The following ZNF704 variants were observed in gnomAD, a reference collection of about 807,000 sequenced individuals.
The protein encoded by ZNF704 is glucocorticoid induced gene 1.
In ZNF704, 10 loss-of-function variants were observed where a neutral mutation model predicts 44.7. The observed-to-expected ratio is 0.22, with a 90% CI of 0.14 to 0.38. ZNF704 has a LOEUF of 0.38. Among genes scored for constraint, ZNF704 ranks in the 10% least tolerant of loss-of-function variants. The probability of loss-of-function intolerance (pLI) is 1.00; values close to 1 mark genes in which losing one functional copy is unlikely to be tolerated. For synonymous variants in ZNF704, 211 were observed against 207.6 expected (o/e 1.02, Z -0.14); for missense variants, 390 against 545.5 (o/e 0.71, Z 2.84).
intron 2 of ZNF704, among the ~76,000 whole-genome samples, chr8:80,760,138 C>T (rs936468772): frequency 6.6e-6 from 1 of 152,152 alleles, no homozygotes; most frequent in Admixed American, 6.5e-5. Context: ...CTATTCCTGA[C>T]CCACAGATAC....
chr8:80,848,770 C>T (rs2129991336), intron 1 of ZNF704, among the ~76,000 whole-genome samples: 1 of 149,920 alleles, frequency 6.7e-6, no homozygotes, highest in South Asian at 2.1e-4. Context: ...GAGACCCTGT[C>T]TCAAAAAAAA....
chr8:80,748,776 TA>T (rs1806890991), intron 2 of ZNF704, among the ~76,000 whole-genome samples: 1 of 152,010 alleles, frequency 6.6e-6, no homozygotes, highest in South Asian at 2.1e-4. Context: ...GGAAGGAAGT[TA>T]AAAAACGAGG....
chr8:80,873,006 G>A (rs1809280415), intron 1 of ZNF704, among the ~76,000 whole-genome samples: 1 of 152,118 alleles, frequency 6.6e-6, no homozygotes, highest in South Asian at 2.1e-4. Context: ...TGGGTTTACC[G>A]GTTCTCTCAC....
chr8:80,828,197 C>G (rs930869408), intron 1 of ZNF704, among the ~76,000 whole-genome samples: 2 of 152,178 alleles, frequency 1.3e-5, no homozygotes, highest in African/African-American at 2.4e-5. Flanking sequence ...AAGATTTTAA[C>G]AAAATCCCTT....
intron 2 of ZNF704, among the ~76,000 whole-genome samples, chr8:80,729,194 A>G (rs1806534158): frequency 6.6e-6 from 1 of 152,184 alleles, no homozygotes; most frequent in South Asian, 2.1e-4. Context: ...TAGATAAGAA[A>G]GAGCAGATGG....
intron 2 of ZNF704, among the ~76,000 whole-genome samples, chr8:80,769,264 CTT>C (rs906361411): frequency 1.3e-5 from 2 of 152,136 alleles, no homozygotes; most frequent in African/African-American, 4.8e-5. Context: ...TTAAATTAAA[CTT>C]TTTATTTTGA....
chr8:80,873,138 G>A (rs901873760), intron 1 of ZNF704, among the ~76,000 whole-genome samples: 5 of 152,126 alleles, frequency 3.3e-5, no homozygotes, highest in Non-Finnish European at 5.9e-5. Context: ...ATAAGGAGAA[G>A]GGGACACTCC....
Position 80,874,291 on chromosome 8 carries a change from G to A in ZNF704, c.-22+280C>T, listed in dbSNP as rs867246590. ...GGCGGCGCGGCGGCCGCGGGCGGGG[G>A]TGGGTGTGAGCGAGCGGCGCGCTGC... is the stretch of plus-strand genomic sequence containing the variant. On this transcript the variant is annotated intron_variant, in intron 1 of 8. Transcript: ENST00000327835. The surrounding 1 kb of genome is among the most constrained non-coding windows in gnomAD (Gnocchi z 4.4). Among the ~76,000 whole-genome samples the A allele has an allele frequency of 1.4e-4, 21 of 145,266 alleles. No homozygotes were observed. The highest frequency in any genetic ancestry group is 7.3e-3 in the Middle Eastern group (2 of 274).
At chr8:80,779,784 C>T (rs917181232) in intron 2 of ZNF704, among the ~76,000 whole-genome samples, 3 of 151,738 alleles carry the variant, frequency 2.0e-5, no homozygotes, top group African/African-American at 7.3e-5. Flanking sequence ...TACAGGATAA[C>T]CGTCTTTTTT....
intron 1 of ZNF704, among the ~76,000 whole-genome samples, chr8:80,858,989 T>G (rs549489640): frequency 3.9e-5 from 6 of 152,350 alleles, no homozygotes; most frequent in Admixed American, 3.3e-4. Flanking sequence ...GTGGTGTTAT[T>G]CAAATATTCT....
chr8:80,676,451 C>G (rs559029196), intron 4 of ZNF704, among the ~76,000 whole-genome samples: 1 of 152,180 alleles, frequency 6.6e-6, no homozygotes, highest in South Asian at 2.1e-4. Flanking sequence ...TTGGATGAGA[C>G]AGGACAGTTC....
At chr8:80,785,844 T>C (rs565617937) in intron 2 of ZNF704, among the ~76,000 whole-genome samples, 1 of 152,198 alleles carries the variant, frequency 6.6e-6, no homozygotes, top group South Asian at 2.1e-4. Flanking sequence ...AAAACCAAGG[T>C]CTAGTTGGTG....
Position 80,800,431 on chromosome 8 carries a change from A to G in ZNF704, c.221+20943T>C, listed in dbSNP as rs1411455877. Among the ~76,000 whole-genome samples the G allele has an allele frequency of 3.3e-5, 5 of 152,172 alleles. No individual in the cohort carries two copies. In the East Asian group the frequency reaches 9.6e-4, roughly 29 times the overall value. ...AGGACAGTCAGGCCAGGTCACCTAC[A>G]AAGGGAAGCCCATCAGACTAACAGT... On this transcript the variant is annotated intron_variant, in intron 2 of 8. Coordinates refer to ENST00000327835, the MANE Select transcript of ZNF704 (RefSeq NM_001033723.3).
intron 2 of ZNF704, among the ~76,000 whole-genome samples, chr8:80,817,766 A>C (rs1001471279): frequency 6.6e-6 from 1 of 152,228 alleles, no homozygotes; most frequent in Non-Finnish European, 1.5e-5. Flanking sequence ...AAAAGATATC[A>C]ATAAAAAAAT....
intron 2 of ZNF704, among the ~76,000 whole-genome samples, chr8:80,806,398 TG>T (rs1247826542): frequency 1.3e-5 from 2 of 152,162 alleles, no homozygotes; most frequent in African/African-American, 4.8e-5. Flanking sequence ...ATGGGATGCC[TG>T]GTATGTTTTA....
chr8:80,703,102 C>T (rs140183028), intron 2 of ZNF704, among the ~76,000 whole-genome samples: 5 of 152,240 alleles, frequency 3.3e-5, no homozygotes, highest in African/African-American at 1.2e-4. Flanking sequence ...CAGGAAACAC[C>T]TGGCCCTCTC....
At position 80,851,828 on chromosome 8, in the gene ZNF704, T is replaced by A. The variant is rs147153493; in HGVS notation, c.-22+22743A>T. Among the ~76,000 whole-genome samples the A allele has an allele frequency of 1.7e-3, 263 of 152,336 alleles. 1 individual carries two copies. Among genetic ancestry groups the A allele is most frequent in the African/African-American group, 6.0e-3 (248 of 41,568 alleles). ...GAAACATTGTTATGTGGTTCCTGAC[T>A]GCAGTTTTTGAAAAATAAGGACACA... is the stretch of plus-strand genomic sequence containing the variant. On this transcript the variant is annotated intron_variant, in intron 1 of 8. Coordinates refer to ENST00000327835, the MANE Select transcript of ZNF704 (RefSeq NM_001033723.3).
chr8:80,828,096 A>G (rs1481476061), intron 1 of ZNF704, among the ~76,000 whole-genome samples: 2 of 152,196 alleles, frequency 1.3e-5, no homozygotes, highest in Admixed American at 1.3e-4. Context: ...TAACTAAACT[A>G]AAGAGCTTCT....
chr8:80,734,532 T>C (rs1806633594), intron 2 of ZNF704, among the ~76,000 whole-genome samples: 2 of 152,170 alleles, frequency 1.3e-5, no homozygotes, highest in Non-Finnish European at 2.9e-5. Context: ...ATAATTTTCA[T>C]TAGAAAGGAA....
Sources: allele counts gnomAD v4.1 joint callset (sites outside exome capture counted in the v4.1 genomes callset), GRCh38; gene constraint gnomAD v4.1.1; non-coding constraint Gnocchi (gnomAD v3.1); transcripts MANE v1.5; gene names NCBI Gene and HGNC (gene_info 2026-07-23, HGNC 2026-07-21).